Variants in PLXND1 observed in about 807,000 individuals in gnomAD.
PLXND1 encodes plexin D1.
In PLXND1, 54 loss-of-function variants were observed where a neutral mutation model predicts 197.7. The observed-to-expected ratio is 0.27, with a 90% CI of 0.22 to 0.34. The LOEUF is 0.34. Ranked by LOEUF, PLXND1 falls within the 10% of genes least tolerant of loss-of-function variation. The pLI, the probability that PLXND1 is intolerant of heterozygous loss-of-function variation, is 1.00. For missense variants in PLXND1, 2,127 were observed against 2,699.2 expected, an observed-to-expected ratio of 0.79 and a Z score of 4.70; for synonymous variants, 1,180 against 1,161.2, an observed-to-expected ratio of 1.02 and a Z score of -0.33.
intron 8 of PLXND1, 123 bp downstream of exon 8, chr3:129,583,444 T>C (rs2085413114): frequency 7.7e-6 from 5 of 652,666 alleles, no homozygotes; most frequent in Non-Finnish European, 5.6e-6. Flanking sequence ...ATGAGCCCCA[T>C]ATAGCTGTCA....
At chr3:129,559,964 T>A (rs1376062711) in intron 31 of PLXND1, among the ~76,000 whole-genome samples, 181 bp from the exon 32 acceptor site, 1 of 152,142 alleles carries the variant, frequency 6.6e-6, no homozygotes, top group Non-Finnish European at 1.5e-5. Context: ...AAAGGACTAA[T>A]CGAGGCACTG....
At chr3:129,600,594 T>C (rs1245199884) in intron 1 of PLXND1, among the ~76,000 whole-genome samples, 1 of 151,812 alleles carries the variant, frequency 6.6e-6, no homozygotes, top group Non-Finnish European at 1.5e-5. Context: ...GGTCGAGACA[T>C]TCTCAGGGCT....
chr3:129,578,626 G>T (rs953076571), intron 8 of PLXND1, 193 bp from the exon 9 acceptor site: 28 of 574,158 alleles, frequency 4.9e-5, no homozygotes, highest in African/African-American at 4.7e-4. Flanking sequence ...TGGGCAGGTC[G>T]CATTGGCCCT....
chr3:129,574,220 C>A (rs2085277131), intron 12 of PLXND1, 116 bp downstream of exon 12: 2 of 892,078 alleles, frequency 2.2e-6, no homozygotes, highest in Non-Finnish European at 3.3e-6. Flanking sequence ...GGTGATACTG[C>A]ACCCATGTGT....
chr3:129,585,897 G>A lies in PLXND1; in HGVS notation c.1851+55C>T. The A allele has an allele frequency of 3.7e-6, 6 of 1,609,008 alleles. No homozygotes were observed. In the South Asian group the frequency reaches 4.4e-5, roughly 12 times the overall value. On this transcript the variant is annotated intron_variant, in intron 5 of 35. Coordinates refer to ENST00000324093, the MANE Select transcript of PLXND1 (RefSeq NM_015103.3). ...CCACCTCTCGGGGCCTGGGTGCTGGGTGAAGGGAGGCTCCCCTGTGTCCCG... is the reference window on the plus strand; with the variant it reads ...CCACCTCTCGGGGCCTGGGTGCTGGATGAAGGGAGGCTCCCCTGTGTCCCG...
At position 129,557,759 on chromosome 3, in the gene PLXND1, G is replaced by A. The variant is rs1051550967; in HGVS notation, c.5446-536C>T. Among the ~76,000 whole-genome samples, 2 of 152,328 alleles carry A rather than the reference G, an allele frequency of 1.3e-5. No homozygotes were observed. Among genetic ancestry groups the A allele is most frequent in the Non-Finnish European group, 2.9e-5 (2 of 68,028 alleles). ...TGGCATTTTCTCCTTCCCGTGGTCC[G>A]TCTCTGAAATGCGTGGGCTAAATGC... is the stretch of plus-strand genomic sequence containing the variant. On this transcript the variant is annotated intron_variant, in intron 33 of 35. Coordinates refer to ENST00000324093, the MANE Select transcript of PLXND1 (RefSeq NM_015103.3). This position sits in a 1 kb window ranked among gnomAD's most constrained non-coding sequence, Gnocchi z 4.8.
At chr3:129,596,699 G>A (rs995243964) in intron 1 of PLXND1, among the ~76,000 whole-genome samples, 2 of 152,164 alleles carry the variant, frequency 1.3e-5, no homozygotes, top group African/African-American at 4.8e-5. Context: ...CCTGGGGCTG[G>A]GGGGACTTGG....
rs778863954 is a variant in PLXND1, at chr3:129,571,499, A to G, written c.3336+10T>C. The G allele has an allele frequency of 2.5e-6, 4 of 1,610,888 alleles. No homozygotes were observed. The South Asian group carries it at 4.4e-5, about 18-fold the overall frequency. On this transcript the variant is annotated intron_variant, in intron 17 of 35. Coordinates refer to ENST00000324093, the MANE Select transcript of PLXND1 (RefSeq NM_015103.3). ...CCCCCTCCCACCCATCAGGCCCCCGAATGCCTCACCGTGGGCTCCCGGCCA... is the reference window on the plus strand; with the variant it reads ...CCCCCTCCCACCCATCAGGCCCCCGGATGCCTCACCGTGGGCTCCCGGCCA...
intron 1 of PLXND1, among the ~76,000 whole-genome samples, chr3:129,597,650 C>G (rs907806917): frequency 1.3e-5 from 2 of 152,264 alleles, no homozygotes; most frequent in African/African-American, 4.8e-5. Context: ...AGGGCCCCCG[C>G]TGGCGCTGGC....
chr3:129,574,400 C>A lies in PLXND1; in HGVS notation c.2621G>T (p.Gly874Val), dbSNP rs766826016. 3.7e-6 allele frequency: 6 copies of A among 1,612,614 alleles called. No homozygotes were observed. The highest frequency in any genetic ancestry group is 4.2e-6 in the Non-Finnish European group (5 of 1,179,820). ...CTGCAGAGGCCCCCGCAGGCGGCAGCCATCACTCCACATGCACAGGTGACC... is the reference window on the plus strand; with the variant it reads ...CTGCAGAGGCCCCCGCAGGCGGCAGACATCACTCCACATGCACAGGTGACC... ...DLGHLCMWSD[G>V]CRLRGPLQPM... Residue 874 changes from glycine to valine, a missense_variant, in exon 12 of 36, where the codon GGC (glycine) becomes GTC (valine). Coordinates refer to ENST00000324093, the MANE Select transcript of PLXND1 (RefSeq NM_015103.3).
At chr3:129,563,928 G>A (rs1055712163) in intron 25 of PLXND1, among the ~76,000 whole-genome samples, 4 of 152,250 alleles carry the variant, frequency 2.6e-5, no homozygotes, top group Non-Finnish European at 5.9e-5. Context: ...CAAAGATTAC[G>A]AAGGCAGCCT....
chr3:129,602,364 C>T (rs1321087565), intron 1 of PLXND1, among the ~76,000 whole-genome samples: 1 of 152,238 alleles, frequency 6.6e-6, no homozygotes, highest in Non-Finnish European at 1.5e-5. Context: ...TCACAGCCTT[C>T]GCACAGGCTG....
chr3:129,589,423 G>A lies in PLXND1; in HGVS notation c.1416C>T (p.Thr472=), dbSNP rs766091328. ...ATPVFRAPGL[T]SVAVASVNNY... ...TGTTGACGCTGGCCACGGCCACGGA[G>A]GTGAGGCCCGGGGCGCGGAACACGG... The change falls in exon 2 of 36, where the codon ACC becomes ACT. Residue 472 remains threonine (T), a synonymous_variant. Transcript: ENST00000324093. 35 of 1,611,776 alleles carry A rather than the reference G, an allele frequency of 2.2e-5. No homozygotes were observed. Among genetic ancestry groups the A allele is most frequent in the Admixed American group, 3.3e-5 (2 of 59,926 alleles).
At chr3:129,585,080 G>C (rs941642628) in intron 5 of PLXND1, among the ~76,000 whole-genome samples, 7 of 152,196 alleles carry the variant, frequency 4.6e-5, no homozygotes, top group African/African-American at 1.4e-4. Flanking sequence ...TGGGGCCAGG[G>C]GTCTGTCTTG....
At chr3:129,564,520 C>T (rs1032319282) in intron 25 of PLXND1, among the ~76,000 whole-genome samples, 4 of 152,242 alleles carry the variant, frequency 2.6e-5, no homozygotes, top group Non-Finnish European at 5.9e-5. Context: ...TCCGAGGCCC[C>T]GGTTCTGGGC....
At chr3:129,575,624 G>T in intron 10 of PLXND1, 62 bp from the exon 11 acceptor site, 1 of 1,334,110 alleles carries the variant, frequency 7.5e-7, no homozygotes, top group Non-Finnish European at 1.1e-6. Flanking sequence ...TGCTGGGGAT[G>T]GGTGTCATGG....
Position 129,562,929 on chromosome 3 carries a change from G to C in PLXND1, c.4683C>G (p.Ser1561=), listed in dbSNP as rs774862400. The change falls in exon 27 of 36, where the codon TCC becomes TCG. Residue 1561 remains serine, a synonymous_variant. Transcript: ENST00000324093. ...IEAKPRNLNV[S]FQGCGMDSLS... ...GCGAGTCCATGCCACAGCCCTGGAAGGACACGTTCAGGTTCTGCAGGGGGA... is the reference window on the plus strand; with the variant it reads ...GCGAGTCCATGCCACAGCCCTGGAACGACACGTTCAGGTTCTGCAGGGGGA... The C allele has an allele frequency of 3.7e-6, 6 of 1,603,628 alleles. No individual in the cohort carries two copies. Among genetic ancestry groups the C allele is most frequent in the East Asian group, 2.2e-5 (1 of 44,532 alleles).
rs1358389882 is a variant in PLXND1, at chr3:129,605,316, C to A, written c.1311+13G>T. ...CCGCCGCCGCCGCCGCCGCCGCCAC[C>A]GCCCGGGTGTACCTGGATGTTGAGC... On this transcript the variant is annotated intron_variant, in intron 1 of 35. Transcript: ENST00000324093. 7.8e-6 allele frequency: 10 copies of A among 1,286,674 alleles called. No homozygotes were observed. The highest frequency in any genetic ancestry group is 1.6e-5 in the African/African-American group (1 of 64,254). 79.7% of individuals were successfully genotyped at this position (1,286,674 alleles called of 1,614,324 possible). A position where few individuals can be genotyped will look rare whatever the true frequency, so the allele number is the denominator to read the frequency against.
intron 1 of PLXND1, among the ~76,000 whole-genome samples, chr3:129,602,866 T>G (rs377348032): frequency 3.9e-5 from 6 of 152,280 alleles, no homozygotes; most frequent in African/African-American, 1.4e-4. Context: ...AGGATTGCTT[T>G]TACTGTCCCC....
Sources: gnomAD v4.1 joint callset for allele counts (sites outside exome capture counted in the v4.1 genomes callset) on GRCh38, gnomAD v4.1.1 for gene constraint, Gnocchi (gnomAD v3.1) non-coding constraint, MANE v1.5 for transcripts, NCBI Gene and HGNC (gene_info 2026-07-23, HGNC 2026-07-21) for gene names.